DLAT: variants seen among roughly 807,000 people sequenced by gnomAD.
DLAT encodes the protein dihydrolipoamide S-acetyltransferase.
In DLAT, 43 loss-of-function variants were observed where a neutral mutation model predicts 68.0. The observed-to-expected ratio is 0.63, with a 90% confidence interval of 0.50 to 0.81. DLAT has a LOEUF of 0.81. Ranked by LOEUF, DLAT falls within the 40% of genes least tolerant of loss-of-function variation. The pLI is 0.00. For synonymous variants in DLAT, 265 were observed against 288.6 expected (o/e 0.92, Z 0.83); for missense variants, 745 against 815.4 (o/e 0.91, Z 1.05).
Position 112,046,037 on chromosome 11 carries a change from T to C in DLAT, c.1398+67T>C, listed in dbSNP as rs587697934. The C allele has an allele frequency of 1.3e-4, 119 of 894,432 alleles. No individual in the cohort carries two copies. In the South Asian group the frequency reaches 1.6e-3, roughly 12 times the overall value. The allele number at this position is 894,432 out of a possible 1,614,324, so 55.4% of individuals were successfully genotyped here. A position where few individuals can be genotyped will look rare whatever the true frequency, so the allele number is the denominator to read the frequency against. ...TTTGTCTTTCCCCACCAAACATTTA[T>C]ATTTTTGTCCATATATTTTGTTACA... On this transcript the variant is annotated intron_variant, in intron 10 of 13. Transcript: ENST00000280346.
rs1555180455 is a variant in DLAT at position 112,036,201 on chromosome 11, G to GTGTGTGTGTT, written c.788-1071_788-1070insGTGTGTGTTT. On this transcript the variant is annotated intron_variant, in intron 5 of 13. Transcript: ENST00000280346. ...TGTGTGTGTGTGTGTGTGTGTGTGT[G>GTGTGTGTGTT]TTTTTTTTTTTTTTTTTTTTTTTTT... 3.3e-4 allele frequency among the ~76,000 whole-genome samples: 12 copies of GTGTGTGTGTT among 36,482 alleles called. 1 individual carries two copies. The highest frequency in any genetic ancestry group is 9.0e-4 in the African/African-American group (10 of 11,064). The allele number at this position is 36,482 out of a possible 152,430, so 23.9% of individuals were successfully genotyped here.
rs1862825417 is a variant in DLAT at position 112,037,332 on chromosome 11, G to T, written c.847G>T (p.Asp283Tyr). 1.2e-6 allele frequency: 2 copies of T among 1,614,142 alleles called. No homozygotes were observed. Among genetic ancestry groups the T allele is most frequent in the Non-Finnish European group, 1.7e-6 (2 of 1,180,012 alleles). ...AATCCTGGTCCCTGAAGGCACAAGAGATGTCCCTCTAGGAACCCCACTCTG... is the reference window on the plus strand; with the variant it reads ...AATCCTGGTCCCTGAAGGCACAAGATATGTCCCTCTAGGAACCCCACTCTG... The part of the protein sequence containing the change: ...AKILVPEGTR[D>Y]VPLGTPLCII... The change falls in exon 6 of 14, where the codon GAT becomes TAT. Residue 283 changes from aspartate (D) to tyrosine (Y), a missense_variant. Transcript: ENST00000280346.
intron 12 of DLAT, 138 bp downstream of exon 12, chr11:112,060,203 C>A: frequency 4.0e-6 from 3 of 758,614 alleles, no homozygotes; most frequent in African/African-American, 1.8e-5. Context: ...TCTCTGTCAC[C>A]CAGGCTGGAG....
chr11:112,029,056 T>C, intron 4 of DLAT, 111 bp downstream of exon 4: 1 of 1,243,330 alleles, frequency 8.0e-7, no homozygotes, highest in Non-Finnish European at 1.2e-6. Context: ...TTAGGTCTTG[T>C]CATTTGGGAG....
Position 112,028,873 on chromosome 11 carries a change from C to T in DLAT, c.588C>T (p.Thr196=). 7 of 1,614,160 alleles carry T rather than the reference C, an allele frequency of 4.3e-6. No individual in the cohort carries two copies. The highest frequency in any genetic ancestry group is 5.9e-6 in the Non-Finnish European group (7 of 1,180,028). ...APTPQAAPAP[T]PAATASPPTP... is the part of the protein sequence containing the mutation. ...CCCCACAAGCGGCCCCAGCACCAAC[C>T]CCTGCTGCCACTGCTTCGCCACCTA... The change falls in exon 4 of 14, where the codon ACC becomes ACT. Residue 196 remains threonine, a synonymous_variant. Coordinates refer to ENST00000280346, the MANE Select transcript of DLAT (RefSeq NM_001931.5).
chr11:112,037,230 T>G, intron 5 of DLAT, 43 bp from the exon 6 acceptor site: 1 of 1,566,656 alleles, frequency 6.4e-7, no homozygotes, highest in Non-Finnish European at 8.8e-7. Flanking sequence ...GGAGGGATAG[T>G]GGAATCTCTT....
In DLAT at chr11:112,051,196, TAAAAAA is replaced by T. The variant is rs782283841; in HGVS notation, c.1399-37_1399-32del. 13 of 1,374,874 alleles carry T rather than the reference TAAAAAA, an allele frequency of 9.5e-6. No individual in the cohort carries two copies. Among genetic ancestry groups the T allele is most frequent in the Admixed American group, 3.7e-5 (2 of 53,766 alleles). The allele number at this position is 1,374,874 out of a possible 1,614,324, so 85.2% of individuals were successfully genotyped here. A position where few individuals can be genotyped will look rare whatever the true frequency, so the allele number is the denominator to read the frequency against. On this transcript the variant is annotated intron_variant, in intron 10 of 13. Transcript: ENST00000280346. The surrounding 1 kb of genome is among the most constrained non-coding windows in gnomAD (Gnocchi z 4.3). The stretch of plus-strand genomic sequence containing the variant: ...TGAAACTTAAAATTAAAATTAAAAT[TAAAAAA>T]GAAGAAACTACAGTTCTTCTTGTCT...
At position 112,037,380 on chromosome 11, in the gene DLAT, G is replaced by T. The variant is rs1862828399; in HGVS notation, c.895G>T (p.Asp299Tyr). 6.2e-7 allele frequency: 1 copy of T among 1,614,182 alleles called. No individual in the cohort carries two copies. The highest frequency in any genetic ancestry group is 8.5e-7 in the Non-Finnish European group (1 of 1,180,022). The change falls in exon 6 of 14, where the codon GAT becomes TAT. Residue 299 changes from aspartate (D) to tyrosine (Y), a missense_variant. Transcript: ENST00000280346. ...PLCIIVEKEA[D>Y]ISAFADYRPT... ...CTGTATCATTGTAGAAAAAGAGGCA[G>T]ATATATCAGCATTTGCTGACTATAG... is the stretch of plus-strand genomic sequence containing the variant.
chr11:112,046,067 A>G, intron 10 of DLAT, 97 bp downstream of exon 10: 1 of 718,900 alleles, frequency 1.4e-6, no homozygotes, highest in Non-Finnish European at 2.5e-6. Flanking sequence ...GTTACAATAT[A>G]TCAGTTGGTG....
rs1555181342 is a variant in DLAT at position 112,045,150 on chromosome 11, G to A, written c.1210G>A (p.Val404Ile). Residue 404 changes from valine (V) to isoleucine (I), a missense_variant, in exon 9 of 14, where the codon GTT becomes ATT. Coordinates refer to ENST00000280346, the MANE Select transcript of DLAT (RefSeq NM_001931.5). ...TTTCCTCCCATAGGCTCCGGCAGCT[G>A]TTGTGCCTCCCACAGGTCCTGGAAT... Reference protein sequence around the residue: ...PSKVAPAPAAVVPPTGPGMAP... With the variant: ...PSKVAPAPAAIVPPTGPGMAP... The A allele has an allele frequency of 6.2e-7, 1 of 1,613,986 alleles. No individual in the cohort carries two copies. The highest frequency in any genetic ancestry group is 8.5e-7 in the Non-Finnish European group (1 of 1,179,972).
At position 112,025,470 on chromosome 11, in the gene DLAT, A is replaced by G; in HGVS notation, c.-3A>G. On this transcript the variant is annotated 5_prime_UTR_variant, in exon 1 of 14. Coordinates refer to ENST00000280346, the MANE Select transcript of DLAT (RefSeq NM_001931.5). ...TTTTGGGGTGTGGGGGGTTGGTGGC[A>G]CTATGTGGCGCGTCTGTGCGCGACG... The G allele has an allele frequency of 6.2e-7, 1 of 1,611,784 alleles. No homozygotes were observed. The highest frequency in any genetic ancestry group is 8.5e-7 in the Non-Finnish European group (1 of 1,179,558).
chr11:112,036,165 A>ATGTGTGTGTG lies in DLAT; in HGVS notation c.788-1107_788-1106insGTGTGTGTGT, dbSNP rs797041830. 3.1e-3 allele frequency among the ~76,000 whole-genome samples: 313 copies of ATGTGTGTGTG among 101,774 alleles called. 6 individuals are homozygous for ATGTGTGTGTG. The highest frequency in any genetic ancestry group is 0.014 in the African/African-American group (298 of 21,696). The allele number at this position is 101,774 out of a possible 152,430, so 66.8% of individuals were successfully genotyped here. A position where few individuals can be genotyped will look rare whatever the true frequency, so the allele number is the denominator to read the frequency against. ...TGTATATATATATATGTGTGTGTAT[A>ATGTGTGTGTG]TATGTGTGTGTGTGTGTGTGTGTGT... On this transcript the variant is annotated intron_variant, in intron 5 of 13. Coordinates refer to ENST00000280346, the MANE Select transcript of DLAT (RefSeq NM_001931.5).
At chr11:112,053,698 C>T (rs1462177502) in intron 11 of DLAT, among the ~76,000 whole-genome samples, 2 of 152,146 alleles carry the variant, frequency 1.3e-5, no homozygotes, top group East Asian at 1.9e-4. Flanking sequence ...TGTGAGCCGC[C>T]CACCTTGGCC....
At chr11:112,036,336 C>A (rs1333956646) in intron 5 of DLAT, among the ~76,000 whole-genome samples, 2 of 150,052 alleles carry the variant, frequency 1.3e-5, no homozygotes, top group Non-Finnish European at 3.0e-5. Flanking sequence ...GCCTCAGCCT[C>A]CCGAGTAGCT....
chr11:112,062,457 GGT>G lies in DLAT; in HGVS notation c.1868_1869del (p.Val623GlyfsTer11). The G allele has an allele frequency of 6.2e-7, 1 of 1,612,714 alleles. No individual in the cohort carries two copies. The highest frequency in any genetic ancestry group is 8.5e-7 in the Non-Finnish European group (1 of 1,179,958). On this transcript the variant is annotated frameshift_variant, in exon 14 of 14. Transcript: ENST00000280346. LOFTEE classifies it high-confidence loss of function. ...TTACACTCAGTTGTGATCACCGGGT[GGT>G]GGATGGAGCAGTTGGAGCCCAGTGG... ...SVTLSCDHRV[V>X]DGAVGAQWLA...
In DLAT at chr11:112,037,027, T is replaced by G. The variant is rs117235267; in HGVS notation, c.788-246T>G. ...ACTTTGTACCAGGTTGTATTATTTC[T>G]AAGAACTTGAAAAATATTAATCTGT... On this transcript the variant is annotated intron_variant, in intron 5 of 13. Coordinates refer to ENST00000280346, the MANE Select transcript of DLAT (RefSeq NM_001931.5). Among the ~76,000 whole-genome samples, 1,047 of 152,336 alleles carry G rather than the reference T, an allele frequency of 6.9e-3. 5 individuals are homozygous for G. Among genetic ancestry groups the G allele is most frequent in the Middle Eastern group, 0.051 (15 of 294 alleles).
At chr11:112,050,376 C>T (rs1262259131) in intron 10 of DLAT, among the ~76,000 whole-genome samples, 11 of 151,034 alleles carry the variant, frequency 7.3e-5, no homozygotes, top group African/African-American at 1.7e-4. Flanking sequence ...AGGCTAATCC[C>T]GGCCTTACAG....
At chr11:112,035,555 C>A (rs1862666781) in intron 5 of DLAT, among the ~76,000 whole-genome samples, 1 of 150,096 alleles carries the variant, frequency 6.7e-6, no homozygotes, top group African/African-American at 2.5e-5. Context: ...GTGGCGTGAT[C>A]TCGGCCCACC....
chr11:112,054,536 A>G (rs1555182293), intron 11 of DLAT, among the ~76,000 whole-genome samples: 2 of 152,190 alleles, frequency 1.3e-5, no homozygotes, highest in Non-Finnish European at 1.5e-5. Context: ...AAACTCCACA[A>G]GCGAGGAGAG....
Sources: allele counts gnomAD v4.1 joint callset (sites outside exome capture counted in the v4.1 genomes callset), GRCh38; gene constraint gnomAD v4.1.1; non-coding constraint Gnocchi (gnomAD v3.1); transcripts MANE v1.5; gene names NCBI Gene and HGNC (gene_info 2026-07-23, HGNC 2026-07-21).